CDH4: variants seen among roughly 807,000 people sequenced by gnomAD.
CDH4 encodes cadherin-4.
A neutral mutation model predicts 86.0 loss-of-function variants in CDH4; 33 were observed. The ratio of observed to expected loss-of-function variants is 0.38; its 90% CI spans 0.29 to 0.51. The LOEUF is 0.51. CDH4 is among the 20% of genes least tolerant of loss of function. The pLI, the probability that CDH4 is intolerant of heterozygous loss-of-function variation, is 0.86. For synonymous variants in CDH4, 555 were observed against 549.4 expected, an observed-to-expected ratio of 1.01 and a Z score of -0.14; for missense variants, 1,114 against 1,307.4, an observed-to-expected ratio of 0.85 and a Z score of 2.28.
intron 4 of CDH4, among the ~76,000 whole-genome samples, chr20:61,819,353 C>A (rs1006643686): frequency 6.6e-6 from 1 of 152,244 alleles, no homozygotes; most frequent in East Asian, 1.9e-4. Context: ...TGCTCGGCTT[C>A]CAGATGCATG....
At chr20:61,398,165 A>G (rs1299253943) in intron 2 of CDH4, among the ~76,000 whole-genome samples, 1 of 152,178 alleles carries the variant, frequency 6.6e-6, no homozygotes, top group Non-Finnish European at 1.5e-5. Context: ...TTGGTTATTT[A>G]TCTTGGAATT....
At position 61,480,608 on chromosome 20, in the gene CDH4, G is replaced by C. The variant is rs903927650; in HGVS notation, c.169+225671G>C. Among the ~76,000 whole-genome samples, 1 of 152,236 alleles carries C rather than the reference G, an allele frequency of 6.6e-6. No homozygotes were observed. Among genetic ancestry groups the C allele is most frequent in the Non-Finnish European group, 1.5e-5 (1 of 68,046 alleles). ...GGCTGCCTGCTAGGCTGACACAGGG[G>C]AAGGAGGTGTGGAGGTGTGGGGAGG... On this transcript the variant is annotated intron_variant, in intron 2 of 15. Coordinates refer to ENST00000614565, the MANE Select transcript of CDH4 (RefSeq NM_001794.5). This position sits in a 1 kb window ranked among gnomAD's most constrained non-coding sequence, Gnocchi z 5.2.
Position 61,681,295 on chromosome 20 carries a change from G to A in CDH4, c.170-62268G>A, listed in dbSNP as rs567126868. On this transcript the variant is annotated intron_variant, in intron 2 of 15. Transcript: ENST00000614565. This position sits in a 1 kb window ranked among gnomAD's most constrained non-coding sequence, Gnocchi z 4.5. ...ACTAAGTAGCTTTTTGCAAGGCTTG[G>A]TATGAATTTTCTCTTTTGTCCAAAT... 6.6e-6 allele frequency among the ~76,000 whole-genome samples: 1 copy of A among 152,216 alleles called. No individual in the cohort carries two copies. The highest frequency in any genetic ancestry group is 2.4e-5 in the African/African-American group (1 of 41,524).
At chr20:61,297,899 C>T (rs938055061) in intron 2 of CDH4, among the ~76,000 whole-genome samples, 3 of 152,238 alleles carry the variant, frequency 2.0e-5, no homozygotes, top group African/African-American at 4.8e-5. Context: ...GAATGACAAT[C>T]GGGCAGTGCT....
intron 4 of CDH4, among the ~76,000 whole-genome samples, chr20:61,816,691 G>GA (rs1031661035): frequency 6.6e-6 from 1 of 151,804 alleles, no homozygotes; most frequent in South Asian, 2.1e-4. Context: ...CGTTAAATGG[G>GA]GGGGGGCGGT....
intron 2 of CDH4, among the ~76,000 whole-genome samples, chr20:61,536,464 T>G (rs75020265): frequency 9.9e-5 from 11 of 110,770 alleles, no homozygotes; most frequent in African/African-American, 1.7e-4. Flanking sequence ...GGGGAGGGAG[T>G]GGGGCAGGGA....
intron 2 of CDH4, among the ~76,000 whole-genome samples, chr20:61,629,919 T>C (rs1229234631): frequency 6.6e-6 from 1 of 152,174 alleles, no homozygotes; most frequent in Non-Finnish European, 1.5e-5. Flanking sequence ...GAGTCCCCTG[T>C]GACTCAGCGC....
intron 5 of CDH4, among the ~76,000 whole-genome samples, chr20:61,848,674 C>T (rs574575089): frequency 3.4e-4 from 52 of 152,162 alleles, no homozygotes; most frequent in Non-Finnish European, 5.7e-4. Flanking sequence ...TACAGGCACC[C>T]GCCACCACGC....
chr20:61,913,284 G>A (rs1826884488), intron 9 of CDH4, among the ~76,000 whole-genome samples: 1 of 152,224 alleles, frequency 6.6e-6, no homozygotes, highest in South Asian at 2.1e-4. Context: ...TCGATGTGGT[G>A]GGGAAAGCCT....
At chr20:61,925,459 C>T (rs2055034947) in intron 11 of CDH4, among the ~76,000 whole-genome samples, 3 of 152,212 alleles carry the variant, frequency 2.0e-5, no homozygotes, top group Non-Finnish European at 2.9e-5. Context: ...TCAAACGAGT[C>T]GGAGTCACCG....
chr20:61,714,651 C>T (rs945887176), intron 2 of CDH4, among the ~76,000 whole-genome samples: 2 of 152,194 alleles, frequency 1.3e-5, no homozygotes, highest in Non-Finnish European at 2.9e-5. Context: ...CAAGTGAGGA[C>T]ATGGAATATT....
chr20:61,521,383 C>A (rs1046445371), intron 2 of CDH4, among the ~76,000 whole-genome samples: 6 of 152,118 alleles, frequency 3.9e-5, no homozygotes, highest in Admixed American at 3.3e-4. Flanking sequence ...AGGAGGAGAG[C>A]GAGTTTGTAG....
chr20:61,424,350 ATATCCACACACATATCCACAAACATG>A (rs893026465), intron 2 of CDH4, among the ~76,000 whole-genome samples: 4 of 148,986 alleles, frequency 2.7e-5, no homozygotes, highest in African/African-American at 7.5e-5. Context: ...AAACACACTC[ATATCCACACACATATCCACAAACATG>A]TATCCACACA....
rs961764239 is a variant in CDH4, at chr20:61,902,496, G to T, written c.1188+7449G>T. ...GCCCCACCTTCCCAGGGATTTGCAG[G>T]CAAATGAGCGGCCGTTGACACAGGG... On this transcript the variant is annotated intron_variant, in intron 8 of 15. Transcript: ENST00000614565. The surrounding 1 kb of genome is among the most constrained non-coding windows in gnomAD (Gnocchi z 4.6). Among the ~76,000 whole-genome samples, 1 of 152,240 alleles carries T rather than the reference G, an allele frequency of 6.6e-6. No homozygotes were observed. The highest frequency in any genetic ancestry group is 1.5e-5 in the Non-Finnish European group (1 of 68,050).
Position 61,518,298 on chromosome 20 carries a change from T to C in CDH4, c.170-225265T>C, listed in dbSNP as rs919888591. Among the ~76,000 whole-genome samples, 1 of 152,144 alleles carries C rather than the reference T, an allele frequency of 6.6e-6. No homozygotes were observed. Among genetic ancestry groups the C allele is most frequent in the African/African-American group, 2.4e-5 (1 of 41,430 alleles). Reference sequence around the variant, plus strand: ...CACTATAAAGTGGAGGACTCCCAGGTGCAGAGATGGGCTCTTAACCACCTC... The same window carrying C: ...CACTATAAAGTGGAGGACTCCCAGGCGCAGAGATGGGCTCTTAACCACCTC... On this transcript the variant is annotated intron_variant, in intron 2 of 15. Coordinates refer to ENST00000614565, the MANE Select transcript of CDH4 (RefSeq NM_001794.5). This position sits in a 1 kb window ranked among gnomAD's most constrained non-coding sequence, Gnocchi z 6.3.
At chr20:61,570,057 A>G (rs1231033691) in intron 2 of CDH4, 2 of 152,560 alleles carry the variant, frequency 1.3e-5, no homozygotes, top group African/African-American at 4.8e-5. Context: ...AATGGTTACT[A>G]TGGCGCCGTT....
chr20:61,310,032 G>GAAAT (rs1415566225), intron 2 of CDH4, among the ~76,000 whole-genome samples: 1 of 152,160 alleles, frequency 6.6e-6, no homozygotes, highest in Non-Finnish European at 1.5e-5. Context: ...GCGGCTTACA[G>GAAAT]AAATGGGTGG....
chr20:61,309,407 T>C (rs6028100), intron 2 of CDH4, among the ~76,000 whole-genome samples: 12 of 13,032 alleles, frequency 9.2e-4, no homozygotes, highest in South Asian at 8.3e-3. Context: ...CTGTCTTCCT[T>C]GAGTTTCCAG....
At position 61,939,604 on chromosome 20, in the gene CDH4, A is replaced by ACAAT. The variant is rs1186268881; in HGVS notation, c.*2664_*2667dup. ...ACTTGAGTTAGCGTTAGCTAAGCAT[A>ACAAT]CAATCAGTGTCGAACGTCTCTCTTC... is the stretch of plus-strand genomic sequence containing the variant. On this transcript the variant is annotated 3_prime_UTR_variant, in exon 16 of 16. Transcript: ENST00000614565. 8 of 152,426 alleles carry ACAAT rather than the reference A, an allele frequency of 5.2e-5. No individual in the cohort carries two copies. The South Asian group carries it at 8.3e-4, about 16-fold the overall frequency. The allele number at this position is 152,426 out of a possible 1,614,324, so 9.4% of individuals were successfully genotyped here.
Sources: allele counts gnomAD v4.1 joint callset (sites outside exome capture counted in the v4.1 genomes callset), GRCh38; gene constraint gnomAD v4.1.1; non-coding constraint Gnocchi (gnomAD v3.1); transcripts MANE v1.5; gene names NCBI Gene and HGNC (gene_info 2026-07-23, HGNC 2026-07-21).